FBXL18: variants seen among roughly 807,000 people sequenced by gnomAD.
FBXL18 encodes the protein F-box/LRR-repeat protein 18.
In FBXL18, 36 loss-of-function variants were observed where a neutral mutation model predicts 46.0. The observed-to-expected ratio is 0.78, with a 90% CI of 0.60 to 1.03. FBXL18 has a LOEUF of 1.03. Ranked by LOEUF, FBXL18 falls within the 50% of genes least tolerant of loss-of-function variation. FBXL18 has a pLI of 0.00. For synonymous variants in FBXL18, 557 were observed against 465.3 expected (o/e 1.20, Z -2.54); for missense variants, 977 against 1,004.1 (o/e 0.97, Z 0.36).
intron 1 of FBXL18, among the ~76,000 whole-genome samples, chr7:5,511,754 C>T (rs1296957166): frequency 2.8e-5 from 4 of 144,900 alleles, no homozygotes; most frequent in South Asian, 2.2e-4. Flanking sequence ...GGCGACAGAG[C>T]GAGACTCCAT....
intron 4 of FBXL18, 73 bp downstream of exon 4, chr7:5,491,158 G>T: frequency 7.2e-7 from 1 of 1,382,652 alleles, no homozygotes; most frequent in Non-Finnish European, 1.0e-6. Flanking sequence ...ACTCGGTGAA[G>T]GCTGGGGACC....
chr7:5,495,510 G>C (rs890194767), intron 3 of FBXL18, among the ~76,000 whole-genome samples: 5 of 152,206 alleles, frequency 3.3e-5, no homozygotes, highest in Non-Finnish European at 5.9e-5. Flanking sequence ...GTGTGTCCAA[G>C]TCCCAGCCAG....
At chr7:5,458,300 C>T (rs901124185) in intron 4 of FBXL18, among the ~76,000 whole-genome samples, 1 of 152,216 alleles carries the variant, frequency 6.6e-6, no homozygotes, top group African/African-American at 2.4e-5. Flanking sequence ...CACAGTGGCT[C>T]ACGCCTGTAA....
chr7:5,486,987 G>GCTC (rs1394646771), intron 4 of FBXL18, among the ~76,000 whole-genome samples: 1 of 152,274 alleles, frequency 6.6e-6, no homozygotes, highest in Admixed American at 6.5e-5. Context: ...GCAAACCGCT[G>GCTC]CTCCTCCTCC....
chr7:5,473,606 A>G (rs1321707564), downstream of FBXL18, among the ~76,000 whole-genome samples: 1 of 145,546 alleles, frequency 6.9e-6, no homozygotes, highest in Non-Finnish European at 1.5e-5. Context: ...TACTAAAAAT[A>G]CAAAAAACAG....
chr7:5,498,498 G>A (rs1460637728), intron 3 of FBXL18, among the ~76,000 whole-genome samples: 1 of 152,206 alleles, frequency 6.6e-6, no homozygotes, highest in Non-Finnish European at 1.5e-5. Flanking sequence ...CTCTTCGCGT[G>A]TTCTGGCCTC....
At chr7:5,494,819 C>A (rs754070752) in intron 3 of FBXL18, among the ~76,000 whole-genome samples, 1 of 152,216 alleles carries the variant, frequency 6.6e-6, no homozygotes, top group Non-Finnish European at 1.5e-5. Flanking sequence ...CCGTGCTACC[C>A]GCCCCAGATC....
rs1784266642 is a variant in FBXL18 at position 5,501,717 on chromosome 7, G to A, written c.552C>T (p.Ser184=). 6.3e-7 allele frequency: 1 copy of A among 1,584,814 alleles called. No individual in the cohort carries two copies. Residue 184 remains serine, a synonymous_variant, in exon 3 of 5, where the codon TCC becomes TCT. Coordinates refer to ENST00000382368, the MANE Select transcript of FBXL18 (RefSeq NM_024963.6). ...RELKQTLFTP[S]YGVVPCCTSL... ...TGGTGCAGCAGGGCACCACGCCGTA[G>A]GAGGGAGTGAACAGCGTCTGCTTGA...
At chr7:5,458,753 T>A (rs899226568) in intron 4 of FBXL18, among the ~76,000 whole-genome samples, 12 of 151,474 alleles carry the variant, frequency 7.9e-5, no homozygotes, top group African/African-American at 2.9e-4. Flanking sequence ...CCCAGCTACT[T>A]TGGAGGCTGA....
intron 1 of FBXL18, among the ~76,000 whole-genome samples, chr7:5,509,058 T>C (rs1408349821): frequency 6.6e-6 from 1 of 151,862 alleles, no homozygotes; most frequent in African/African-American, 2.4e-5. Flanking sequence ...CCGGGTGTGG[T>C]GGCACACGCC....
downstream of FBXL18, among the ~76,000 whole-genome samples, chr7:5,471,196 G>C (rs1218340310): frequency 6.6e-6 from 1 of 152,208 alleles, no homozygotes; most frequent in African/African-American, 2.4e-5. Flanking sequence ...CCGCTGTGCA[G>C]GGCTCCTGGG....
intron 1 of FBXL18, among the ~76,000 whole-genome samples, chr7:5,512,399 G>T (rs985763308): frequency 6.6e-6 from 1 of 151,212 alleles, no homozygotes; most frequent in East Asian, 1.9e-4. Flanking sequence ...TGGATCACCT[G>T]AGGTCAGGAG....
chr7:5,502,386 C>G lies in FBXL18; in HGVS notation c.238-355G>C, dbSNP rs533816210. Among the ~76,000 whole-genome samples the G allele has an allele frequency of 2.6e-5, 4 of 151,032 alleles. No homozygotes were observed. The South Asian group carries it at 8.4e-4, about 32-fold the overall frequency. ...CCGATCTCAACTGAAAATACAAAAA[C>G]TAGTCAGGCATGGTGGTGTGCGCCT... On this transcript the variant is annotated intron_variant, in intron 2 of 4. Transcript: ENST00000382368.
At chr7:5,467,072 C>T in intron 4 of FBXL18, among the ~76,000 whole-genome samples, 1 of 152,056 alleles carries the variant, frequency 6.6e-6, no homozygotes, top group Non-Finnish European at 1.5e-5. Context: ...TAAAAATTGG[C>T]CGGGCACAGT....
chr7:5,462,989 T>A lies in FBXL18; in HGVS notation c.2001-15146A>T, dbSNP rs1237916378. ...AAAAAAATATATATATATATATATA[T>A]ATATATAATATATATACACACACAC... is the stretch of plus-strand genomic sequence containing the variant. On this transcript the variant is annotated intron_variant and NMD_transcript_variant, in intron 4 of 6. Coordinates refer to the FBXL18 transcript ENST00000415009. Among the ~76,000 whole-genome samples, 20 of 47,038 alleles carry A rather than the reference T, an allele frequency of 4.3e-4. 1 individual carries two copies. The highest frequency in any genetic ancestry group is 8.1e-4 in the Non-Finnish European group (17 of 20,960). The allele number at this position is 47,038 out of a possible 152,430, so 30.9% of individuals were successfully genotyped here.
Position 5,500,884 on chromosome 7 carries a change from G to C in FBXL18, c.1385C>G (p.Pro462Arg). ...CTGGGGGCACGCCTGGCCCGAGAAG[G>C]GGCTGGGACAGGACTGCACGCCCAC... ...VRVGVQSCPS[P>R]FSGQACPQPS... The change falls in exon 3 of 5, where the codon CCC becomes CGC. Residue 462 changes from proline to arginine, a missense_variant. By Grantham distance (103) the Pro-to-Arg change is moderately radical. Coordinates refer to ENST00000382368, the MANE Select transcript of FBXL18 (RefSeq NM_024963.6). 1 of 1,596,198 alleles carries C rather than the reference G, an allele frequency of 6.3e-7. No individual in the cohort carries two copies. Among genetic ancestry groups the C allele is most frequent in the African/African-American group, 1.3e-5 (1 of 74,764 alleles).
chr7:5,505,366 C>T, intron 2 of FBXL18, 46 bp downstream of exon 2: 1 of 1,569,756 alleles, frequency 6.4e-7, no homozygotes, highest in Non-Finnish European at 8.8e-7. Context: ...TCCTCAAAGA[C>T]TGAGATCTAG....
At chr7:5,456,193 C>G (rs533578412) in intron 4 of FBXL18, among the ~76,000 whole-genome samples, 2 of 152,176 alleles carry the variant, frequency 1.3e-5, no homozygotes, top group East Asian at 3.8e-4. Context: ...CCCAGGAACC[C>G]GCTGCCTGCT....
intron 4 of FBXL18, among the ~76,000 whole-genome samples, chr7:5,463,741 T>TTATTTA (rs1562672349): frequency 4.3e-5 from 2 of 46,204 alleles, no homozygotes; most frequent in Non-Finnish European, 1.0e-4. Context: ...TTTTTTTTTT[T>TTATTTA]TTTTTTTTTT....
Sources: allele counts gnomAD v4.1 joint callset (sites outside exome capture counted in the v4.1 genomes callset), GRCh38; gene constraint gnomAD v4.1.1; transcripts MANE v1.5; gene names NCBI Gene and HGNC (gene_info 2026-07-23, HGNC 2026-07-21).